The following TENM4 variants were observed in gnomAD, a reference collection of about 807,000 sequenced individuals.
TENM4 encodes teneurin-4.
TENM4 carries 82 observed loss-of-function variants against 243.3 expected under a neutral mutation model. The observed-to-expected ratio is 0.34, with a 90% CI of 0.28 to 0.40. TENM4 has a LOEUF of 0.40. Ranked by LOEUF, TENM4 falls within the 10% of genes least tolerant of loss-of-function variation. The pLI, the probability that TENM4 is intolerant of heterozygous loss-of-function variation, is 1.00. For missense variants in TENM4, 3,138 were observed against 3,673.3 expected (o/e 0.85, Z 3.77); for synonymous variants, 1,412 against 1,456.3 (o/e 0.97, Z 0.69).
At position 79,092,153 on chromosome 11, in the gene TENM4, C is replaced by T. The variant is rs967871344; in HGVS notation, c.-65-22144G>A. Among the ~76,000 whole-genome samples, 9 of 152,268 alleles carry T rather than the reference C, an allele frequency of 5.9e-5. 3 individuals carry two copies. Among genetic ancestry groups the T allele is most frequent in the Admixed American group, 5.9e-4 (9 of 15,290 alleles). Reference sequence around the variant, plus strand: ...TTTTTTTCTTTACATCCCTCCATTCCAACTCCATCTCTGCTGCCAGGCACT... The same window carrying T: ...TTTTTTTCTTTACATCCCTCCATTCTAACTCCATCTCTGCTGCCAGGCACT... On this transcript the variant is annotated intron_variant, in intron 4 of 33. Coordinates refer to ENST00000278550, the MANE Select transcript of TENM4 (RefSeq NM_001098816.3).
At chr11:79,050,270 T>A (rs1459704272) in intron 6 of TENM4, among the ~76,000 whole-genome samples, 1 of 152,226 alleles carries the variant, frequency 6.6e-6, no homozygotes, top group Non-Finnish European at 1.5e-5. Flanking sequence ...ACGATCTTTT[T>A]TCAAAATAAA....
intron 4 of TENM4, among the ~76,000 whole-genome samples, chr11:79,117,167 A>G (rs1861639641): frequency 6.6e-6 from 1 of 152,206 alleles, no homozygotes; most frequent in South Asian, 2.1e-4. Context: ...CCTAACCCTG[A>G]TGTTGACTTT....
At chr11:78,752,305 T>G (rs181446331) in intron 19 of TENM4, among the ~76,000 whole-genome samples, 1 of 152,300 alleles carries the variant, frequency 6.6e-6, no homozygotes, top group Non-Finnish European at 1.5e-5. Context: ...GGGAGAGCCC[T>G]GGGTGCTGGG....
chr11:79,166,458 G>T (rs1343251259), intron 3 of TENM4, among the ~76,000 whole-genome samples: 1 of 152,272 alleles, frequency 6.6e-6, no homozygotes, highest in South Asian at 2.1e-4. Flanking sequence ...CCCCTGAAAG[G>T]TTTATGCACA....
chr11:78,931,983 G>A (rs1286806812), intron 6 of TENM4, among the ~76,000 whole-genome samples: 1 of 152,128 alleles, frequency 6.6e-6, no homozygotes, highest in Non-Finnish European at 1.5e-5. Context: ...ACAGAGCAAA[G>A]CTTCATCTCT....
chr11:79,176,344 G>A (rs949599835), intron 3 of TENM4, among the ~76,000 whole-genome samples: 1 of 152,140 alleles, frequency 6.6e-6, no homozygotes, highest in African/African-American at 2.4e-5. Flanking sequence ...AATGGCCACT[G>A]ACTCCTTGCC....
At chr11:78,736,927 A>C (rs987157070) in intron 20 of TENM4, among the ~76,000 whole-genome samples, 2 of 152,194 alleles carry the variant, frequency 1.3e-5, no homozygotes, top group Non-Finnish European at 2.9e-5. Context: ...GGGCAGTAGA[A>C]ATTGTAGAGG....
At chr11:78,893,802 C>CACACACACACACACACACACACACACACA (rs1273308220) in intron 7 of TENM4, among the ~76,000 whole-genome samples, 1 of 151,772 alleles carries the variant, frequency 6.6e-6, no homozygotes, top group African/African-American at 2.4e-5. Flanking sequence ...CACACACACT[C>CACACACACACACACACACACACACACACA]CTCTCTTTCT....
At chr11:78,703,343 G>A (rs910573277) in intron 27 of TENM4, among the ~76,000 whole-genome samples, 6 of 152,146 alleles carry the variant, frequency 3.9e-5, no homozygotes, top group Non-Finnish European at 7.4e-5. Flanking sequence ...ATCCCCAGGC[G>A]ATTTCTGTGC....
chr11:79,300,840 G>A (rs924138532), intron 1 of TENM4, among the ~76,000 whole-genome samples: 2 of 152,086 alleles, frequency 1.3e-5, no homozygotes, highest in African/African-American at 4.8e-5. Flanking sequence ...ATTATTTTTA[G>A]CTTGCTTCCA....
intron 1 of TENM4, among the ~76,000 whole-genome samples, chr11:79,352,284 G>A (rs887258189): frequency 6.6e-6 from 1 of 152,216 alleles, no homozygotes; most frequent in Non-Finnish European, 1.5e-5. Flanking sequence ...GACCCTGACT[G>A]CCAGCCAGCT....
At chr11:79,068,767 T>C (rs1282408103) in intron 5 of TENM4, among the ~76,000 whole-genome samples, 5 of 151,344 alleles carry the variant, frequency 3.3e-5, no homozygotes, top group Non-Finnish European at 7.4e-5. Context: ...GGCACCAGGG[T>C]AGGAAAGAAA....
chr11:79,124,340 T>A (rs931992757), intron 4 of TENM4, among the ~76,000 whole-genome samples: 4 of 152,120 alleles, frequency 2.6e-5, no homozygotes, highest in African/African-American at 9.7e-5. Context: ...CCACCCTTAA[T>A]ATGGATTGGC....
intron 1 of TENM4, among the ~76,000 whole-genome samples, chr11:79,377,274 G>A (rs1857910149): frequency 6.6e-6 from 1 of 152,210 alleles, no homozygotes; most frequent in Admixed American, 6.5e-5. Context: ...AACTGTGAGA[G>A]AAGAGATTTC....
rs1274938849 is a variant in TENM4 at position 78,854,324 on chromosome 11, AG to A, written c.1471-11del. 2 of 1,493,338 alleles carry A rather than the reference AG, an allele frequency of 1.3e-6. No individual in the cohort carries two copies. The highest frequency in any genetic ancestry group is 1.8e-6 in the Non-Finnish European group (2 of 1,118,382). The allele number at this position is 1,493,338 out of a possible 1,614,324, so 92.5% of individuals were successfully genotyped here. The stretch of plus-strand genomic sequence containing the variant: ...GCTCCACAAAGTCAAACTGAAAGAC[AG>A]AGAAAGCACAGTTAGCAGTGGGTCT... On this transcript the variant is annotated splice_polypyrimidine_tract_variant and intron_variant, in intron 11 of 33. Transcript: ENST00000278550.
chr11:79,021,650 T>C (rs1858931983), intron 6 of TENM4: 1 of 152,312 alleles, frequency 6.6e-6, no homozygotes, highest in African/African-American at 2.4e-5. Flanking sequence ...GAGAAGAAAG[T>C]AGACTTGGAA....
At chr11:79,085,367 ACT>A (rs1376761633) in intron 4 of TENM4, among the ~76,000 whole-genome samples, 14 of 114,058 alleles carry the variant, frequency 1.2e-4, no homozygotes, top group Non-Finnish European at 2.1e-4. Context: ...AAAGAGCGAG[ACT>A]CTGTCTCAAA....
intron 4 of TENM4, among the ~76,000 whole-genome samples, chr11:79,081,534 G>GGTGTGTGTGTGTGTGTGTGTGT (rs56237099): frequency 5.7e-4 from 84 of 148,286 alleles, no homozygotes; most frequent in Middle Eastern, 3.5e-3. Context: ...TGTCAGAGGT[G>GGTGTGTGTGTGTGTGTGTGTGT]GTGTGTGTGT....
At chr11:79,398,737 TAAAAAAAAAA>T (rs5792854) in intron 1 of TENM4, among the ~76,000 whole-genome samples, 1 of 102,768 alleles carries the variant, frequency 9.7e-6, no homozygotes, top group Non-Finnish European at 1.9e-5. Flanking sequence ...TCAGATGCTT[TAAAAAAAAAA>T]AAAAAAAAAA....
Sources: gnomAD v4.1 joint callset for allele counts (sites outside exome capture counted in the v4.1 genomes callset) on GRCh38, gnomAD v4.1.1 for gene constraint, MANE v1.5 for transcripts, NCBI Gene and HGNC (gene_info 2026-07-23, HGNC 2026-07-21) for gene names.